The following ANKRD10 variants were observed in gnomAD, a reference collection of about 807,000 sequenced individuals.
ANKRD10 encodes the protein ankyrin repeat domain 10.
In ANKRD10, 14 loss-of-function variants were observed where a neutral mutation model predicts 27.0. The ratio of observed to expected loss-of-function variants is 0.52; its 90% confidence interval spans 0.34 to 0.81. ANKRD10 has a LOEUF of 0.81. Ranked by LOEUF, ANKRD10 falls within the 40% of genes least tolerant of loss-of-function variation. ANKRD10 has a pLI of 0.01. For synonymous variants in ANKRD10, 250 were observed against 224.5 expected, an observed-to-expected ratio of 1.11 and a Z score of -1.01; for missense variants, 493 against 544.0, an observed-to-expected ratio of 0.91 and a Z score of 0.93.
intron 1 of ANKRD10, among the ~76,000 whole-genome samples, chr13:110,913,106 C>T (rs2065767869): frequency 1.3e-5 from 2 of 152,068 alleles, no homozygotes; most frequent in South Asian, 2.1e-4. Flanking sequence ...TATTTTAATC[C>T]CCAGAGACAA....
At chr13:110,891,871 C>CT (rs10553815) in intron 4 of ANKRD10, among the ~76,000 whole-genome samples, 51,034 of 121,082 alleles carry the variant, frequency 0.42, 11,669 homozygotes, top group Middle Eastern at 0.51. Context: ...CTTATTAAGA[C>CT]TTTTTTTTTT....
chr13:110,888,373 A>C (rs1250183977), intron 4 of ANKRD10, among the ~76,000 whole-genome samples: 1 of 152,028 alleles, frequency 6.6e-6, no homozygotes, highest in East Asian at 1.9e-4. Context: ...CTGTATTTCA[A>C]GACGTCACAT....
intron 1 of ANKRD10, 82 bp downstream of exon 1, chr13:110,914,643 C>A (rs2065833656): frequency 6.8e-7 from 1 of 1,462,854 alleles, no homozygotes; most frequent in Admixed American, 2.3e-5. Context: ...GCACGCCCCA[C>A]GTCCCCCGCA....
In ANKRD10 at chr13:110,897,294, CTT is replaced by C. The variant is rs35945478; in HGVS notation, c.456-4033_456-4032del. ...AGGCATGTGCTACCATGCCTGGCTA[CTT>C]TTTTTTTTTTTTTTTTAATTTTGAG... On this transcript the variant is annotated intron_variant, in intron 3 of 5. Transcript: ENST00000267339. 1.9e-3 allele frequency among the ~76,000 whole-genome samples: 236 copies of C among 127,508 alleles called. 2 individuals carry two copies. Among genetic ancestry groups the C allele is most frequent in the African/African-American group, 3.7e-3 (124 of 33,342 alleles). 83.7% of individuals were successfully genotyped at this position (127,508 alleles called of 152,430 possible). A position where few individuals can be genotyped will look rare whatever the true frequency, so the allele number is the denominator to read the frequency against.
chr13:110,894,265 A>G, intron 3 of ANKRD10: 1 of 1,077,482 alleles, frequency 9.3e-7, no homozygotes, highest in East Asian at 2.4e-5. Context: ...AGTACTTAAC[A>G]GCAAAGACAG....
intron 4 of ANKRD10, among the ~76,000 whole-genome samples, chr13:110,892,476 G>A (rs1594573413): frequency 7.8e-6 from 1 of 128,764 alleles, no homozygotes; most frequent in Non-Finnish European, 1.6e-5. Flanking sequence ...CTTACCTTAG[G>A]GACTTAAATC....
At chr13:110,897,312 T>TTA (rs2065253879) in intron 3 of ANKRD10, among the ~76,000 whole-genome samples, 2 of 129,966 alleles carry the variant, frequency 1.5e-5, no homozygotes, top group African/African-American at 2.7e-5. Context: ...TTTTTTTTTT[T>TTA]AATTTTGAGA....
chr13:110,886,208 AAC>A (rs1404708492), intron 4 of ANKRD10, among the ~76,000 whole-genome samples: 1 of 152,220 alleles, frequency 6.6e-6, no homozygotes, highest in African/African-American at 2.4e-5. Flanking sequence ...GGCAGCGGGA[AAC>A]ACACTAGTCT....
Position 110,883,691 on chromosome 13 carries a change from C to T in ANKRD10, c.787+7G>A. ...GTTGCAGCTAACAGGAAACTGTCCACTCCCACCTGTTACAACAGCAAACTC... is the reference window on the plus strand; with the variant it reads ...GTTGCAGCTAACAGGAAACTGTCCATTCCCACCTGTTACAACAGCAAACTC... On this transcript the variant is annotated splice_region_variant and intron_variant, in intron 5 of 5. Transcript: ENST00000267339. 1 of 1,614,006 alleles carries T rather than the reference C, an allele frequency of 6.2e-7. No individual in the cohort carries two copies. Among genetic ancestry groups the T allele is most frequent in the Non-Finnish European group, 8.5e-7 (1 of 1,179,912 alleles).
chr13:110,905,961 T>C, intron 3 of ANKRD10, 72 bp downstream of exon 3: 1 of 1,386,734 alleles, frequency 7.2e-7, no homozygotes, highest in South Asian at 1.3e-5. Context: ...TTTTGCCTGC[T>C]TATGTACTGC....
At position 110,879,865 on chromosome 13, in the gene ANKRD10, G is replaced by A. The variant is rs530525606; in HGVS notation, c.1035C>T (p.Cys345=). ...EKTLRANPEL[C]GSLHLNGSPS... ...GACTCCCGTTCAGGTGCAGAGAACC[G>A]CACAACTCAGGGTTAGCTCTCAGGG... Residue 345 remains cysteine (C), a synonymous_variant, in exon 6 of 6, where the codon TGC becomes TGT. Transcript: ENST00000267339. The A allele has an allele frequency of 1.1e-5, 17 of 1,614,090 alleles. No homozygotes were observed. Among genetic ancestry groups the A allele is most frequent in the Admixed American group, 8.3e-5 (5 of 60,008 alleles).
intron 5 of ANKRD10, among the ~76,000 whole-genome samples, chr13:110,881,916 C>T (rs546092173): frequency 5.3e-5 from 8 of 152,264 alleles, no homozygotes; most frequent in Admixed American, 3.3e-4. Flanking sequence ...AGGCAGAGCA[C>T]GCACATCACG....
intron 2 of ANKRD10, 71 bp from the exon 3 acceptor site, chr13:110,906,195 T>C: frequency 1.7e-6 from 2 of 1,201,840 alleles, no homozygotes; most frequent in Non-Finnish European, 2.4e-6. Flanking sequence ...GTAATGTCAT[T>C]AACACAGATC....
chr13:110,914,134 A>T (rs1218473940), intron 1 of ANKRD10, among the ~76,000 whole-genome samples: 1 of 152,118 alleles, frequency 6.6e-6, no homozygotes, highest in Non-Finnish European at 1.5e-5. Context: ...CATCCCACAC[A>T]GCTGCCGGGG....
In ANKRD10 at chr13:110,914,878, C is replaced by G; in HGVS notation, c.57G>C (p.Leu19=). The change falls in exon 1 of 6, where the codon CTG becomes CTC. Residue 19 remains leucine (L), a synonymous_variant. Transcript: ENST00000267339. Reference sequence around the variant, plus strand: ...GGTGCAGCGGGAAACGGAGCGAGAGCAGCTCCTCGCTGGAGAAGCCCGCCT... The same window carrying G: ...GGTGCAGCGGGAAACGGAGCGAGAGGAGCTCCTCGCTGGAGAAGCCCGCCT... ...GVEAGFSSEE[L]LSLRFPLHRA... 6.5e-7 allele frequency: 1 copy of G among 1,545,536 alleles called. No homozygotes were observed. The highest frequency in any genetic ancestry group is 1.2e-5 in the South Asian group (1 of 84,234).
chr13:110,897,291 CTACT>C (rs1219360404), intron 3 of ANKRD10, among the ~76,000 whole-genome samples: 5 of 92,958 alleles, frequency 5.4e-5, no homozygotes, highest in African/African-American at 1.2e-4. Context: ...CCATGCCTGG[CTACT>C]TTTTTTTTTT....
chr13:110,878,917 C>T lies in ANKRD10; in HGVS notation c.*720G>A, dbSNP rs6829. On this transcript the variant is annotated 3_prime_UTR_variant, in exon 6 of 6. Transcript: ENST00000267339. ...TGACAGTTTCTACAAATAGTGATTTCCACTACATATAAAGGAATCTGTTAC... is the reference window on the plus strand; with the variant it reads ...TGACAGTTTCTACAAATAGTGATTTTCACTACATATAAAGGAATCTGTTAC... 0.7 allele frequency: 106,964 copies of T among 152,274 alleles called. 38,851 individuals carry two copies. The highest frequency in any genetic ancestry group is 0.95 in the East Asian group (4,910 of 5,184). The allele number at this position is 152,274 out of a possible 1,614,324, so 9.4% of individuals were successfully genotyped here.
intron 4 of ANKRD10, chr13:110,892,669 A>T: frequency 2.5e-6 from 2 of 812,176 alleles, no homozygotes; most frequent in Non-Finnish European, 2.8e-6. Context: ...ATTTACAAGA[A>T]GCAAATTAAA....
chr13:110,900,698 TAA>T, intron 3 of ANKRD10: 1 of 1,350,200 alleles, frequency 7.4e-7, no homozygotes, highest in Non-Finnish European at 9.8e-7. Flanking sequence ...TACGTAGCTG[TAA>T]AACATTGACA....
Sources: gnomAD v4.1 joint callset for allele counts (sites outside exome capture counted in the v4.1 genomes callset) on GRCh38, gnomAD v4.1.1 for gene constraint, MANE v1.5 for transcripts, NCBI Gene and HGNC (gene_info 2026-07-23, HGNC 2026-07-21) for gene names.